The following EXOC4 variants were observed in gnomAD, a reference collection of about 807,000 sequenced individuals.
EXOC4 encodes exocyst complex component 4.
Under a neutral mutation model 107.2 loss-of-function variants are expected in EXOC4, and 71 were observed. The observed-to-expected ratio is 0.66, with a 90% confidence interval of 0.55 to 0.81. The LOEUF is 0.81. Ranked by LOEUF, EXOC4 falls within the 30% of genes least tolerant of loss-of-function variation. The pLI, the probability that EXOC4 is intolerant of heterozygous loss-of-function variation, is 0.00. For missense variants in EXOC4, 1,108 were observed against 1,189.6 expected (o/e 0.93, Z 1.01); for synonymous variants, 456 against 441.2 (o/e 1.03, Z -0.42).
chr7:133,958,768 C>G (rs1441841234), intron 14 of EXOC4, among the ~76,000 whole-genome samples: 1 of 152,212 alleles, frequency 6.6e-6, no homozygotes, highest in Admixed American at 6.5e-5. Context: ...ACCTGTGCCA[C>G]TGCTTCTATC....
intron 1 of EXOC4, among the ~76,000 whole-genome samples, chr7:133,257,366 G>GCACACA (rs35107499): frequency 8.4e-4 from 126 of 149,898 alleles, no homozygotes; most frequent in African/African-American, 2.8e-3. Context: ...TTACACACAC[G>GCACACA]CACACACACA....
At chr7:133,803,868 A>G (rs1341609501) in intron 10 of EXOC4, among the ~76,000 whole-genome samples, 3 of 152,334 alleles carry the variant, frequency 2.0e-5, no homozygotes, top group South Asian at 2.1e-4. Context: ...GAAATTAACT[A>G]TAAAGAATTT....
At chr7:133,467,584 C>CTTTTTTTTTTTTTT in intron 7 of EXOC4, among the ~76,000 whole-genome samples, 1 of 122,660 alleles carries the variant, frequency 8.2e-6, no homozygotes, top group Non-Finnish European at 1.7e-5. Flanking sequence ...ATTACAGATT[C>CTTTTTTTTTTTTTT]TTTTTTTTTT....
At chr7:134,060,999 C>T (rs552401305) in intron 17 of EXOC4, among the ~76,000 whole-genome samples, 8 of 152,208 alleles carry the variant, frequency 5.3e-5, no homozygotes, top group South Asian at 4.1e-4. Flanking sequence ...ACTGTCATTC[C>T]GGGATTTATA....
At chr7:133,645,237 G>T (rs376555559) in intron 10 of EXOC4, among the ~76,000 whole-genome samples, 1 of 151,866 alleles carries the variant, frequency 6.6e-6, no homozygotes, top group Non-Finnish European at 1.5e-5. Context: ...GACTACAGGC[G>T]TGTGCCACCA....
In EXOC4 at chr7:133,687,017, G is replaced by C. The variant is rs952727215; in HGVS notation, c.1514+56876G>C. On this transcript the variant is annotated intron_variant, in intron 10 of 17. Coordinates refer to ENST00000253861, the MANE Select transcript of EXOC4 (RefSeq NM_021807.4). ...TTTGTGTGTGTGTGTGTGTGTGTGT[G>C]TGTGTGTGTGTGTGTGTGTGTCTGT... Among the ~76,000 whole-genome samples the C allele has an allele frequency of 2.0e-5, 3 of 151,018 alleles. 1 individual carries two copies. Among genetic ancestry groups the C allele is most frequent in the African/African-American group, 7.3e-5 (3 of 41,210 alleles).
intron 3 of EXOC4, among the ~76,000 whole-genome samples, chr7:133,293,033 T>G (rs1260846008): frequency 6.6e-6 from 1 of 152,228 alleles, no homozygotes; most frequent in Non-Finnish European, 1.5e-5. Context: ...ATAGCTAATA[T>G]GTATTGAGCA....
rs60183854 is a variant in EXOC4, at chr7:133,990,268, T to TCCC, written c.2207-7217_2207-7215dup. ...TTGTGCCCATTAACTAACTTTCCCC[T>TCCC]CCCCCCCCCACCCCTTTTTATTTCT... On this transcript the variant is annotated intron_variant, in intron 14 of 17. Transcript: ENST00000253861. Among the ~76,000 whole-genome samples the TCCC allele has an allele frequency of 9.7e-3, 1,067 of 109,982 alleles. 5 individuals are homozygous for TCCC. Among genetic ancestry groups the TCCC allele is most frequent in the African/African-American group, 0.034 (959 of 28,026 alleles). 72.2% of individuals were successfully genotyped at this position (109,982 alleles called of 152,430 possible).
chr7:133,908,770 G>A (rs1799623757), intron 12 of EXOC4, among the ~76,000 whole-genome samples: 1 of 152,136 alleles, frequency 6.6e-6, no homozygotes, highest in South Asian at 2.1e-4. Context: ...TTGTATTATT[G>A]ACTTTTAAAT....
At chr7:133,841,184 A>T (rs530134973) in intron 11 of EXOC4, among the ~76,000 whole-genome samples, 30 of 152,260 alleles carry the variant, frequency 2.0e-4, no homozygotes, top group Middle Eastern at 3.4e-3. Flanking sequence ...TGAGGGCACT[A>T]ATCCCATTTC....
chr7:133,852,530 A>T (rs1243766868), intron 11 of EXOC4, among the ~76,000 whole-genome samples: 2 of 152,208 alleles, frequency 1.3e-5, no homozygotes, highest in Non-Finnish European at 1.5e-5. Flanking sequence ...CCCATGAGAT[A>T]ATTCAACACA....
chr7:133,825,933 T>C (rs1797692369), intron 11 of EXOC4, among the ~76,000 whole-genome samples: 1 of 152,244 alleles, frequency 6.6e-6, no homozygotes, highest in Non-Finnish European at 1.5e-5. Context: ...TGGGGTCTAA[T>C]CTGATTCTTC....
At chr7:133,467,765 TTTGTTTGTTTTCACACA>T (rs1484497710) in intron 7 of EXOC4, among the ~76,000 whole-genome samples, 4 of 152,044 alleles carry the variant, frequency 2.6e-5, no homozygotes, top group Non-Finnish European at 5.9e-5. Flanking sequence ...TTTTTGTTTG[TTTGTTTGTTTTCACACA>T]TTCTAAGATT....
At chr7:133,409,440 A>C (rs1331945020) in intron 7 of EXOC4, among the ~76,000 whole-genome samples, 1 of 152,206 alleles carries the variant, frequency 6.6e-6, no homozygotes, top group East Asian at 1.9e-4. Context: ...ATCACCAGCT[A>C]TGAGAGACAG....
chr7:134,037,843 T>C (rs1795426299), intron 17 of EXOC4, among the ~76,000 whole-genome samples: 4 of 152,080 alleles, frequency 2.6e-5, no homozygotes, highest in Admixed American at 2.0e-4. Flanking sequence ...GTCCCAGGAG[T>C]TCTTGATAAA....
At chr7:133,865,357 G>T (rs1193820151) in intron 11 of EXOC4, among the ~76,000 whole-genome samples, 1 of 152,180 alleles carries the variant, frequency 6.6e-6, no homozygotes, top group East Asian at 1.9e-4. Context: ...ACCTAGAAAT[G>T]ACATATAAAT....
At chr7:133,962,673 T>A (rs1224995441) in intron 14 of EXOC4, among the ~76,000 whole-genome samples, 1 of 152,226 alleles carries the variant, frequency 6.6e-6, no homozygotes. Context: ...GATTTAAATT[T>A]AAGCAAAATT....
At chr7:134,052,880 A>G (rs1795829879) in intron 17 of EXOC4, among the ~76,000 whole-genome samples, 2 of 152,128 alleles carry the variant, frequency 1.3e-5, no homozygotes, top group African/African-American at 4.8e-5. Flanking sequence ...ATTAGCGACC[A>G]TTATCCTGAC....
At chr7:133,467,850 A>G (rs551052768) in intron 7 of EXOC4, among the ~76,000 whole-genome samples, 1 of 151,866 alleles carries the variant, frequency 6.6e-6, no homozygotes, top group Admixed American at 6.6e-5. Flanking sequence ...TGCCCTAGTT[A>G]GGAGCCATCT....
Sources: gnomAD v4.1 joint callset for allele counts (sites outside exome capture counted in the v4.1 genomes callset) on GRCh38, gnomAD v4.1.1 for gene constraint, MANE v1.5 for transcripts, NCBI Gene and HGNC (gene_info 2026-07-23, HGNC 2026-07-21) for gene names.